FBXO22: variants seen among roughly 807,000 people sequenced by gnomAD.
The protein encoded by FBXO22 is F-box protein 22, also known as F-box only protein 22.
In FBXO22, 13 loss-of-function variants were observed where a neutral mutation model predicts 37.2. The observed-to-expected ratio is 0.35, with a 90% CI of 0.23 to 0.56. The LOEUF (loss-of-function observed/expected upper bound fraction) is 0.56. Among genes scored for constraint, FBXO22 ranks in the 20% least tolerant of loss-of-function variants. The probability of loss-of-function intolerance (pLI) is 0.87; values close to 1 mark genes in which losing one functional copy is unlikely to be tolerated. For missense variants in FBXO22, 446 were observed against 509.9 expected (o/e 0.87, Z 1.21); for synonymous variants, 189 against 189.1 (o/e 1.00, Z 0.00).
At chr15:75,905,596 C>T (rs1899913275) in intron 2 of FBXO22, 1 of 152,238 alleles carries the variant, frequency 6.6e-6, no homozygotes, top group Admixed American at 6.5e-5. Flanking sequence ...CAGATTTTGC[C>T]AGTTGTCCCA....
intron 4 of FBXO22, 108 bp from the exon 5 acceptor site, chr15:75,917,120 CTT>C (rs1423660164): frequency 1.1e-5 from 9 of 790,506 alleles, no homozygotes; most frequent in Non-Finnish European, 1.8e-5. Context: ...AGCTGAAAAA[CTT>C]TTACTCAGAT....
chr15:75,933,138 G>T lies in FBXO22; in HGVS notation c.*36G>T. The T allele has an allele frequency of 6.5e-7, 1 of 1,533,436 alleles. No homozygotes were observed. Among genetic ancestry groups the T allele is most frequent in the South Asian group, 1.3e-5 (1 of 78,362 alleles). 95.0% of individuals were successfully genotyped at this position (1,533,436 alleles called of 1,614,324 possible). ...GGCTTTCATAATATGTAACTTTTGG[G>T]TTCTGCCTTTTTCAGAAAATGGAAA... On this transcript the variant is annotated 3_prime_UTR_variant, in exon 7 of 7. Coordinates refer to ENST00000308275, the MANE Select transcript of FBXO22 (RefSeq NM_147188.3).
chr15:75,938,932 C>A lies in FBXO22; in HGVS notation c.*5830C>A, dbSNP rs974114270. 1.3e-5 allele frequency: 2 copies of A among 151,932 alleles called. No homozygotes were observed. The highest frequency in any genetic ancestry group is 4.8e-5 in the African/African-American group (2 of 41,382). 9.4% of individuals were successfully genotyped at this position (151,932 alleles called of 1,614,324 possible). On this transcript the variant is annotated 3_prime_UTR_variant, in exon 7 of 7. Coordinates refer to ENST00000308275, the MANE Select transcript of FBXO22 (RefSeq NM_147188.3). ...ATTAAAAAGAGAAAAATGCAACATA[C>A]CAAAATTTATAGGATGCAGTGAAAG... is the stretch of plus-strand genomic sequence containing the variant.
Position 75,940,653 on chromosome 15 carries a change from T to G in FBXO22, c.*7551T>G, listed in dbSNP as rs867536159. On this transcript the variant is annotated 3_prime_UTR_variant, in exon 7 of 7. Coordinates refer to ENST00000308275, the MANE Select transcript of FBXO22 (RefSeq NM_147188.3). The stretch of plus-strand genomic sequence containing the variant: ...GCATAAAGGCAGACGGATAGACCAA[T>G]GGGATAGACTGGAGAACCTAGAAAT... 1 of 152,038 alleles carries G rather than the reference T, an allele frequency of 6.6e-6. No individual in the cohort carries two copies. Among genetic ancestry groups the G allele is most frequent in the Non-Finnish European group, 1.5e-5 (1 of 67,958 alleles). 9.4% of individuals were successfully genotyped at this position (152,038 alleles called of 1,614,324 possible).
rs1322418289 is a variant in FBXO22 at position 75,934,911 on chromosome 15, CAT to C, written c.*1813_*1814del. Reference sequence around the variant, plus strand: ...GGATTATTTTAAACAAATTAATACTCATATAAAATGTTTTGCTGCTTCTCAAA... The same window carrying C: ...GGATTATTTTAAACAAATTAATACTCATAAAATGTTTTGCTGCTTCTCAAA... On this transcript the variant is annotated 3_prime_UTR_variant, in exon 7 of 7. Transcript: ENST00000308275. 1.1e-4 allele frequency: 17 copies of C among 152,090 alleles called. No homozygotes were observed. The highest frequency in any genetic ancestry group is 3.9e-4 in the African/African-American group (16 of 41,412). The allele number at this position is 152,090 out of a possible 1,614,324, so 9.4% of individuals were successfully genotyped here.
chr15:75,930,398 G>A (rs2029970589), intron 6 of FBXO22: 1 of 1,117,076 alleles, frequency 9.0e-7, no homozygotes, highest in African/African-American at 1.6e-5. Flanking sequence ...CATGGTTAGA[G>A]TGTATCTTTA....
chr15:75,931,961 C>A (rs1381120091), intron 6 of FBXO22, among the ~76,000 whole-genome samples: 2 of 152,186 alleles, frequency 1.3e-5, no homozygotes, highest in Non-Finnish European at 2.9e-5. Context: ...TGCCTGTAAT[C>A]CCAGAACTTT....
intron 3 of FBXO22, 70 bp downstream of exon 3, chr15:75,913,360 A>T: frequency 9.5e-7 from 1 of 1,048,366 alleles, no homozygotes; most frequent in Non-Finnish European, 1.5e-6. Flanking sequence ...GTTCAATATT[A>T]TACTTGTCCT....
intron 5 of FBXO22, among the ~76,000 whole-genome samples, chr15:75,919,013 G>A (rs538154128): frequency 5.9e-5 from 9 of 152,124 alleles, no homozygotes; most frequent in East Asian, 1.9e-4. Context: ...GCTGGAGTGC[G>A]GTGGCATGAT....
intron 5 of FBXO22, among the ~76,000 whole-genome samples, 182 bp from the exon 6 acceptor site, chr15:75,929,702 G>A (rs2029941365): frequency 6.6e-6 from 1 of 151,906 alleles, no homozygotes; most frequent in Admixed American, 6.6e-5. Flanking sequence ...TGGAAAACTT[G>A]ATACAGAGAT....
intron 5 of FBXO22, among the ~76,000 whole-genome samples, chr15:75,922,159 T>TAA (rs1900341682): frequency 6.6e-6 from 1 of 152,258 alleles, no homozygotes; most frequent in Non-Finnish European, 1.5e-5. Flanking sequence ...GCAATAGGCT[T>TAA]GTTTACAACA....
rs927824061 is a variant in FBXO22 at position 75,906,449 on chromosome 15, A to G, written c.279+1820A>G. ...CATTTACAATTATATTTCTATATAT[A>G]TGTGGAGGCTCATGAGTTCACACAG... On this transcript the variant is annotated intron_variant, in intron 2 of 6. Transcript: ENST00000308275. Among the ~76,000 whole-genome samples the G allele has an allele frequency of 1.3e-5, 2 of 152,182 alleles. 1 individual carries two copies. Among genetic ancestry groups the G allele is most frequent in the Admixed American group, 1.3e-4 (2 of 15,278 alleles).
At chr15:75,904,237 AC>A (rs1329350818) in intron 1 of FBXO22, 134 bp downstream of exon 1, 4 of 1,279,314 alleles carry the variant, frequency 3.1e-6, no homozygotes, top group African/African-American at 1.5e-5. Flanking sequence ...ACCTGAGGTG[AC>A]CCCCTACCCG....
At chr15:75,924,148 G>A (rs1321529826) in intron 5 of FBXO22, among the ~76,000 whole-genome samples, 2 of 152,146 alleles carry the variant, frequency 1.3e-5, no homozygotes, top group African/African-American at 4.8e-5. Context: ...TGGTCTAGAG[G>A]AAAGATATTA....
chr15:75,917,097 C>G, intron 4 of FBXO22, 133 bp from the exon 5 acceptor site: 1 of 661,332 alleles, frequency 1.5e-6, no homozygotes, highest in Non-Finnish European at 2.6e-6. Context: ...ACACTACACC[C>G]TAAAACTGTC....
intron 6 of FBXO22, chr15:75,930,621 G>C (rs1483983384): frequency 1.0e-4 from 101 of 985,248 alleles, no homozygotes; most frequent in Non-Finnish European, 1.2e-4. Flanking sequence ...TGTTACTAAG[G>C]CTTTTGCTTT....
rs2030615867 is a variant in FBXO22, at chr15:75,938,618, A to G, written c.*5516A>G. 1 of 151,910 alleles carries G rather than the reference A, an allele frequency of 6.6e-6. No individual in the cohort carries two copies. The allele number at this position is 151,910 out of a possible 1,614,324, so 9.4% of individuals were successfully genotyped here. A position where few individuals can be genotyped will look rare whatever the true frequency, so the allele number is the denominator to read the frequency against. On this transcript the variant is annotated 3_prime_UTR_variant, in exon 7 of 7. Transcript: ENST00000308275. ...AAAAAATTCTGGCAGAGAAAAGTAT[A>G]ATAAATGAAATTTTCACTACAGGGG...
Position 75,940,561 on chromosome 15 carries a change from G to A in FBXO22, c.*7459G>A, listed in dbSNP as rs1205380098. 4.6e-5 allele frequency: 7 copies of A among 151,720 alleles called. No individual in the cohort carries two copies. The highest frequency in any genetic ancestry group is 4.6e-4 in the Admixed American group (7 of 15,230). The allele number at this position is 151,720 out of a possible 1,614,324, so 9.4% of individuals were successfully genotyped here. A position where few individuals can be genotyped will look rare whatever the true frequency, so the allele number is the denominator to read the frequency against. Reference sequence around the variant, plus strand: ...AGTCTTGAGAAAGAAGAACAAATTGGAGGACTTAAACCTGCAGAGTTTAAA... The same window carrying A: ...AGTCTTGAGAAAGAAGAACAAATTGAAGGACTTAAACCTGCAGAGTTTAAA... On this transcript the variant is annotated 3_prime_UTR_variant, in exon 7 of 7. Coordinates refer to ENST00000308275, the MANE Select transcript of FBXO22 (RefSeq NM_147188.3).
intron 4 of FBXO22, among the ~76,000 whole-genome samples, 184 bp from the exon 5 acceptor site, chr15:75,917,046 T>G (rs1316188273): frequency 2.0e-5 from 3 of 152,196 alleles, no homozygotes; most frequent in African/African-American, 7.2e-5. Context: ...TATAAAAAAT[T>G]TCTTTCTGAA....
Sources: gnomAD v4.1 joint callset for allele counts (sites outside exome capture counted in the v4.1 genomes callset) on GRCh38, gnomAD v4.1.1 for gene constraint, MANE v1.5 for transcripts, NCBI Gene and HGNC (gene_info 2026-07-23, HGNC 2026-07-21) for gene names.